Variants in ASAP2 observed in about 807,000 individuals in gnomAD.
ASAP2 encodes ArfGAP with SH3 domain, ankyrin repeat and PH domain 2, also known as arf-GAP with SH3 domain, ANK repeat and PH domain-containing protein 2.
In ASAP2, 45 loss-of-function variants were observed where a neutral mutation model predicts 131.4. That is an observed-to-expected ratio of 0.34 (90% CI 0.27 to 0.44). The LOEUF (loss-of-function observed/expected upper bound fraction) is 0.44. Ranked by LOEUF, ASAP2 falls within the 20% of genes least tolerant of loss-of-function variation. ASAP2 has a pLI of 1.00. For missense variants in ASAP2, 1,011 were observed against 1,297.0 expected (o/e 0.78, Z 3.39); for synonymous variants, 510 against 503.0 (o/e 1.01, Z -0.19).
chr2:9,378,843 C>A, intron 18 of ASAP2, 101 bp from the exon 19 acceptor site: 3 of 742,182 alleles, frequency 4.0e-6, no homozygotes, highest in Non-Finnish European at 5.8e-6. Flanking sequence ...CGGGGACTGT[C>A]TGCCTTTCCT....
chr2:9,298,000 G>A (rs909940392), intron 3 of ASAP2, among the ~76,000 whole-genome samples: 1 of 152,160 alleles, frequency 6.6e-6, no homozygotes, highest in African/African-American at 2.4e-5. Flanking sequence ...GCTTGGTGCT[G>A]TGGGTGAATT....
Position 9,392,712 on chromosome 2 carries a change from CTG to C in ASAP2, c.2519-766_2519-765del, listed in dbSNP as rs1675821698. On this transcript the variant is annotated intron_variant, in intron 23 of 27. Transcript: ENST00000281419. This position sits in a 1 kb window ranked among gnomAD's most constrained non-coding sequence, Gnocchi z 4.0. ...ATGTTTCCCCACGCCAGTTTCCTCTCTGTGTAGCTGAAGGCCTCATTCTTCCT... is the reference window on the plus strand; with the variant it reads ...ATGTTTCCCCACGCCAGTTTCCTCTCTGTAGCTGAAGGCCTCATTCTTCCT... Among the ~76,000 whole-genome samples, 1 of 152,240 alleles carries C rather than the reference CTG, an allele frequency of 6.6e-6. No individual in the cohort carries two copies.
rs150569257 is a variant in ASAP2, at chr2:9,249,310, C to A, written c.127-30007C>A. 5.9e-5 allele frequency among the ~76,000 whole-genome samples: 9 copies of A among 152,244 alleles called. No individual in the cohort carries two copies. In the East Asian group the frequency reaches 1.7e-3, roughly 29 times the overall value. Reference sequence around the variant, plus strand: ...GTCTGTGGCTCAGCCTGCCCGTGGCCTGTCTGTCTGCCCCATTCTGCCCTC... The same window carrying A: ...GTCTGTGGCTCAGCCTGCCCGTGGCATGTCTGTCTGCCCCATTCTGCCCTC... On this transcript the variant is annotated intron_variant, in intron 1 of 27. Transcript: ENST00000281419.
intron 1 of ASAP2, among the ~76,000 whole-genome samples, chr2:9,251,424 T>G (rs1250876947): frequency 6.6e-6 from 1 of 152,182 alleles, no homozygotes; most frequent in African/African-American, 2.4e-5. Context: ...TGAGTCTGGC[T>G]GCTCAGTGGG....
chr2:9,211,853 A>G (rs916048236), intron 1 of ASAP2, among the ~76,000 whole-genome samples: 4 of 152,248 alleles, frequency 2.6e-5, no homozygotes, highest in African/African-American at 9.6e-5. Flanking sequence ...CCAAGTCCCC[A>G]GAACAGATTA....
chr2:9,339,378 A>ACCT (rs955434281), intron 9 of ASAP2, among the ~76,000 whole-genome samples: 19 of 151,658 alleles, frequency 1.3e-4, no homozygotes, highest in African/African-American at 4.6e-4. Context: ...AGGTTCCTGG[A>ACCT]CCTCTCCATG....
rs1263341202 is a variant in ASAP2, at chr2:9,356,083, A to G, written c.1148A>G (p.Gln383Arg). The G allele has an allele frequency of 5.0e-6, 8 of 1,614,226 alleles. No homozygotes were observed. The highest frequency in any genetic ancestry group is 6.8e-6 in the Non-Finnish European group (8 of 1,180,046). ...TACCACTTTCAAGCTGAAGATGAACAGGAATGTCAAATGTAAGTTACATGG... is the reference window on the plus strand; with the variant it reads ...TACCACTTTCAAGCTGAAGATGAACGGGAATGTCAAATGTAAGTTACATGG... ...RTYHFQAEDEQECQIWMSVLQ... is the reference protein window; with the variant it reads ...RTYHFQAEDERECQIWMSVLQ... Residue 383 changes from glutamine to arginine, a missense_variant, in exon 13 of 28, where the codon CAG becomes CGG. Gln to Arg is a conservative substitution (Grantham distance 43). This residue lies in a region of ASAP2 where 359 missense variants were observed against 598.1 expected (regional missense o/e 0.60). Transcript: ENST00000281419.
intron 14 of ASAP2, among the ~76,000 whole-genome samples, chr2:9,356,576 G>C (rs926872054): frequency 6.6e-6 from 1 of 152,208 alleles, no homozygotes; most frequent in African/African-American, 2.4e-5. Context: ...AGTAAAGAGG[G>C]TTTGACAGAG....
At chr2:9,387,313 G>A (rs1301820515) in intron 21 of ASAP2, among the ~76,000 whole-genome samples, 2 of 152,004 alleles carry the variant, frequency 1.3e-5, no homozygotes, top group African/African-American at 2.4e-5. Context: ...GGCCTAAAGC[G>A]TCACAGTCCA....
chr2:9,289,545 T>TA (rs1377568702), intron 2 of ASAP2, among the ~76,000 whole-genome samples: 10 of 151,378 alleles, frequency 6.6e-5, no homozygotes, highest in African/African-American at 9.7e-5. Context: ...ACCATCAACA[T>TA]AAAAAAAAAT....
chr2:9,261,027 C>A (rs540404402), intron 1 of ASAP2, among the ~76,000 whole-genome samples: 2 of 151,948 alleles, frequency 1.3e-5, no homozygotes, highest in African/African-American at 4.8e-5. Context: ...TGCTGGGAGC[C>A]GTATGACAGC....
intron 3 of ASAP2, among the ~76,000 whole-genome samples, chr2:9,316,982 CAT>C (rs1373712027): frequency 6.7e-6 from 1 of 148,352 alleles, no homozygotes; most frequent in Non-Finnish European, 1.5e-5. Context: ...CACACCCTCT[CAT>C]GTCCACTCTC....
At chr2:9,342,981 C>T (rs540708314) in intron 9 of ASAP2, among the ~76,000 whole-genome samples, 2 of 152,336 alleles carry the variant, frequency 1.3e-5, no homozygotes, top group East Asian at 1.9e-4. Flanking sequence ...CCTGAGTGCT[C>T]TTGTTCTCAG....
chr2:9,218,414 C>G (rs1014853140), intron 1 of ASAP2, among the ~76,000 whole-genome samples: 1 of 152,194 alleles, frequency 6.6e-6, no homozygotes, highest in African/African-American at 2.4e-5. Context: ...GTGACAAGGA[C>G]TAGGAGCCAC....
chr2:9,267,781 C>T (rs1231480875), intron 1 of ASAP2, among the ~76,000 whole-genome samples: 1 of 151,270 alleles, frequency 6.6e-6, no homozygotes, highest in Non-Finnish European at 1.5e-5. Flanking sequence ...ACCTGTAGTT[C>T]CAGCTACTCA....
intron 18 of ASAP2, among the ~76,000 whole-genome samples, chr2:9,377,989 C>T (rs1191520130): frequency 1.3e-5 from 2 of 152,110 alleles, no homozygotes; most frequent in Non-Finnish European, 2.9e-5. Flanking sequence ...TCCCTCCATG[C>T]ACATTTTCAG....
At chr2:9,332,874 C>T (rs1026380818) in intron 7 of ASAP2, among the ~76,000 whole-genome samples, 2 of 152,076 alleles carry the variant, frequency 1.3e-5, no homozygotes, top group Non-Finnish European at 2.9e-5. Context: ...CAGAAAAAAA[C>T]GTATTAAAAT....
At chr2:9,263,183 T>C (rs1366805700) in intron 1 of ASAP2, among the ~76,000 whole-genome samples, 1 of 152,220 alleles carries the variant, frequency 6.6e-6, no homozygotes, top group Non-Finnish European at 1.5e-5. Flanking sequence ...CAGCACCTTC[T>C]GGTGTCATGT....
intron 3 of ASAP2, among the ~76,000 whole-genome samples, chr2:9,302,808 C>T (rs754533550): frequency 6.6e-6 from 1 of 152,108 alleles, no homozygotes; most frequent in African/African-American, 2.4e-5. Flanking sequence ...TGAGCCACCA[C>T]GCCTGGTCAG....
Sources: allele counts gnomAD v4.1 joint callset (sites outside exome capture counted in the v4.1 genomes callset), GRCh38; gene constraint gnomAD v4.1.1; regional missense constraint gnomAD v4.1.1; non-coding constraint Gnocchi (gnomAD v3.1); transcripts MANE v1.5; gene names NCBI Gene and HGNC (gene_info 2026-07-23, HGNC 2026-07-21).